Variants in PPP2R2C observed in about 807,000 individuals in gnomAD.
PPP2R2C encodes the protein protein phosphatase 2, regulatory subunit B, gamma.
A neutral mutation model predicts 45.3 loss-of-function variants in PPP2R2C; 10 were observed. The ratio of observed to expected loss-of-function variants is 0.22; its 90% CI spans 0.14 to 0.37. PPP2R2C has a LOEUF of 0.37. PPP2R2C is among the 10% of genes least tolerant of loss of function. The probability of loss-of-function intolerance (pLI) is 1.00; values close to 1 mark genes in which losing one functional copy is unlikely to be tolerated. For synonymous variants in PPP2R2C, 257 were observed against 245.4 expected (o/e 1.05, Z -0.44); for missense variants, 308 against 619.7 (o/e 0.50, Z 5.34).
chr4:6,406,683 G>A (rs1266431113), intron 1 of PPP2R2C, among the ~76,000 whole-genome samples: 1 of 152,140 alleles, frequency 6.6e-6, no homozygotes, highest in Non-Finnish European at 1.5e-5. Context: ...ATTGAACCTG[G>A]GAGGCGGAGG....
At chr4:6,413,463 T>C (rs1389186638) in intron 1 of PPP2R2C, among the ~76,000 whole-genome samples, 2 of 148,922 alleles carry the variant, frequency 1.3e-5, no homozygotes, top group African/African-American at 4.9e-5. Flanking sequence ...CTTGCCCAAT[T>C]TCATCACTTA....
At chr4:6,394,987 G>GC (rs988248233) in intron 1 of PPP2R2C, among the ~76,000 whole-genome samples, 2 of 152,118 alleles carry the variant, frequency 1.3e-5, no homozygotes, top group Non-Finnish European at 2.9e-5. Context: ...AGAGCCAGCA[G>GC]CCCCCCTCCG....
intron 1 of PPP2R2C, among the ~76,000 whole-genome samples, chr4:6,434,355 T>TTTTC (rs1719779291): frequency 4.1e-5 from 1 of 24,630 alleles, no homozygotes; most frequent in African/African-American, 1.1e-4. Context: ...TTCTTTTTTC[T>TTTTC]TTTCTTTTTT....
chr4:6,554,234 A>G (rs184012671), intron 1 of PPP2R2C, among the ~76,000 whole-genome samples: 2 of 152,344 alleles, frequency 1.3e-5, no homozygotes, highest in East Asian at 3.9e-4. Context: ...GGGTGCCCTC[A>G]TCAAAGAGGA....
At chr4:6,351,632 CAG>C (rs756470739) in intron 5 of PPP2R2C, among the ~76,000 whole-genome samples, 2 of 152,210 alleles carry the variant, frequency 1.3e-5, no homozygotes, top group Non-Finnish European at 2.9e-5. Context: ...ATGTGAGACA[CAG>C]AGGCCCTGCA....
At chr4:6,353,240 G>A (rs1712727143) in intron 5 of PPP2R2C, among the ~76,000 whole-genome samples, 1 of 151,662 alleles carries the variant, frequency 6.6e-6, no homozygotes, top group South Asian at 2.1e-4. Context: ...CAATGCCAGT[G>A]CTATGGGCAG....
intron 1 of PPP2R2C, among the ~76,000 whole-genome samples, chr4:6,539,149 A>AG (rs1159179755): frequency 1.3e-5 from 2 of 150,768 alleles, no homozygotes; most frequent in Non-Finnish European, 1.5e-5. Context: ...AAAAAAAAAA[A>AG]AGAGAGAGAG....
chr4:6,354,824 C>T (rs1577099425), intron 5 of PPP2R2C, among the ~76,000 whole-genome samples: 1 of 152,102 alleles, frequency 6.6e-6, no homozygotes, highest in Non-Finnish European at 1.5e-5. Context: ...CGCCCACAGC[C>T]CCCCACAGCC....
intron 1 of PPP2R2C, among the ~76,000 whole-genome samples, chr4:6,421,644 C>T (rs887355519): frequency 5.9e-5 from 9 of 152,188 alleles, no homozygotes; most frequent in South Asian, 4.2e-4. Context: ...TGACTCCAGA[C>T]GCGAGGGGGC....
chr4:6,511,462 ACGGTGGTGGTGGTGATGG>A (rs1723473716), intron 2 of PPP2R2C, among the ~76,000 whole-genome samples: 5 of 72,018 alleles, frequency 6.9e-5, no homozygotes, highest in East Asian at 5.0e-4. Flanking sequence ...GGTGATGATG[ACGGTGGTGGTGGTGATGG>A]CGGTGTTGGT....
intron 2 of PPP2R2C, among the ~76,000 whole-genome samples, chr4:6,508,466 G>A (rs1723313879): frequency 6.6e-6 from 1 of 151,940 alleles, no homozygotes; most frequent in Non-Finnish European, 1.5e-5. Context: ...GCGGGTGCCT[G>A]TAATCCCAGC....
At chr4:6,522,520 C>T (rs1724059402) in intron 2 of PPP2R2C, among the ~76,000 whole-genome samples, 1 of 152,266 alleles carries the variant, frequency 6.6e-6, no homozygotes, top group African/African-American at 2.4e-5. Flanking sequence ...TGTGTTCCCT[C>T]CAGCCCCATG....
intron 2 of PPP2R2C, among the ~76,000 whole-genome samples, chr4:6,525,625 C>T (rs1327978744): frequency 2.0e-5 from 3 of 152,164 alleles, no homozygotes; most frequent in African/African-American, 4.8e-5. Flanking sequence ...CCAGCCCTTT[C>T]GAAAGCCTTG....
chr4:6,329,511 C>T lies in PPP2R2C; in HGVS notation c.961-158G>A, dbSNP rs183464075. On this transcript the variant is annotated intron_variant, in intron 7 of 8. Coordinates refer to ENST00000382599, the MANE Select transcript of PPP2R2C (RefSeq NM_020416.4). This position sits in a 1 kb window ranked among gnomAD's most constrained non-coding sequence, Gnocchi z 5.8. ...GAGGGTCTGAATGCTCTGACACAGC[C>T]CGACACAGCCCTGCTCATCTCATCG... Among the ~76,000 whole-genome samples, 2 of 152,174 alleles carry T rather than the reference C, an allele frequency of 1.3e-5. No homozygotes were observed. The highest frequency in any genetic ancestry group is 6.5e-5 in the Admixed American group (1 of 15,280).
intron 1 of PPP2R2C, among the ~76,000 whole-genome samples, chr4:6,444,036 C>T (rs1171031273): frequency 1.3e-5 from 2 of 152,176 alleles, no homozygotes; most frequent in African/African-American, 4.8e-5. Flanking sequence ...GAGTAGCCTC[C>T]TGCAGCCCTC....
chr4:6,432,776 G>C lies in PPP2R2C; in HGVS notation c.70+39384C>G, dbSNP rs561517722. Among the ~76,000 whole-genome samples the C allele has an allele frequency of 1.7e-3, 257 of 152,226 alleles. 1 individual carries two copies. The highest frequency in any genetic ancestry group is 7.9e-3 in the South Asian group (38 of 4,826). ...AAATAAGTTAGGAAAAAATCTTTAG[G>C]CTTTCAGAGCCTCTTGGATTTTAGA... is the stretch of plus-strand genomic sequence containing the variant. On this transcript the variant is annotated intron_variant, in intron 1 of 8. Coordinates refer to ENST00000382599, the MANE Select transcript of PPP2R2C (RefSeq NM_020416.4).
chr4:6,419,905 T>C (rs1718850669), intron 1 of PPP2R2C, among the ~76,000 whole-genome samples: 1 of 152,192 alleles, frequency 6.6e-6, no homozygotes, highest in South Asian at 2.1e-4. Context: ...ACACCAGCCA[T>C]TGGACTTGAG....
At chr4:6,476,771 GT>G (rs994312904), upstream of PPP2R2C, among the ~76,000 whole-genome samples, 6 of 151,866 alleles carry the variant, frequency 4.0e-5, no homozygotes, top group African/African-American at 1.2e-4. Flanking sequence ...TTTGCACAAT[GT>G]TTTTTTTCTG....
At chr4:6,503,963 G>A (rs1723139532) in intron 2 of PPP2R2C, among the ~76,000 whole-genome samples, 1 of 152,246 alleles carries the variant, frequency 6.6e-6, no homozygotes, top group Admixed American at 6.5e-5. Flanking sequence ...GGTGGGTACT[G>A]GAGGGGCCAA....
Sources: gnomAD v4.1 joint callset for allele counts (sites outside exome capture counted in the v4.1 genomes callset) on GRCh38, gnomAD v4.1.1 for gene constraint, Gnocchi (gnomAD v3.1) non-coding constraint, MANE v1.5 for transcripts, NCBI Gene and HGNC (gene_info 2026-07-23, HGNC 2026-07-21) for gene names.